Variants in IGF2 observed in about 807,000 individuals in gnomAD.
IGF2 encodes insulin-like growth factor 2.
IGF2 carries 2 observed loss-of-function variants against 12.0 expected under a neutral mutation model. That is an observed-to-expected ratio of 0.17 (90% CI 0.07 to 0.52). The LOEUF is 0.52. Among genes scored for constraint, IGF2 ranks in the 20% least tolerant of loss-of-function variants. The pLI, the probability that IGF2 is intolerant of heterozygous loss-of-function variation, is 0.95. For missense variants in IGF2, 211 were observed against 268.0 expected (o/e 0.79, Z 1.48); for synonymous variants, 105 against 110.1 (o/e 0.95, Z 0.29).
chr11:2,149,326 G>A, the IGF2 span: 1 of 1,612,220 alleles, frequency 6.2e-7, no homozygotes, highest in Non-Finnish European at 8.5e-7. Flanking sequence ...ACGTGGAGGA[G>A]GAGAGGGACA....
At chr11:2,146,038 C>T (rs1320049243), upstream of IGF2, among the ~76,000 whole-genome samples, 1 of 152,092 alleles carries the variant, frequency 6.6e-6, no homozygotes, top group African/African-American at 2.4e-5. Context: ...CGTCCGCCCC[C>T]CAGCCCTGAA....
At position 2,133,062 on chromosome 11, in the gene IGF2, A is replaced by G; in HGVS notation, c.468T>C (p.Arg156=). The change falls in exon 4 of 4, where the codon CGT becomes CGC. Residue 156 remains arginine, a synonymous_variant. Coordinates refer to ENST00000416167, the MANE Select transcript of IGF2 (RefSeq NM_000612.6). This position sits in a 1 kb window ranked among gnomAD's most constrained non-coding sequence, Gnocchi z 8.9. ...CTTGGGTGGGTAGAGCAATCAGGGG[A>G]CGGTGACGTTTGGCCTCCCTGAACG... is the stretch of plus-strand genomic sequence containing the variant. The part of the protein sequence containing the change: ...LEAFREAKRH[R]PLIALPTQDP... 1 of 1,604,324 alleles carries G rather than the reference A, an allele frequency of 6.2e-7. No homozygotes were observed.
At chr11:2,144,266 G>C (rs1219941782), upstream of IGF2, among the ~76,000 whole-genome samples, 1 of 152,104 alleles carries the variant, frequency 6.6e-6, no homozygotes, top group East Asian at 1.9e-4. Context: ...TGGGAGGTCC[G>C]CAGGCTCCCC....
At chr11:2,140,024 G>A, upstream of IGF2, 5 of 1,073,098 alleles carry the variant, frequency 4.7e-6, no homozygotes, top group Non-Finnish European at 6.4e-6. Flanking sequence ...GGTGCGGGAC[G>A]CGCGGAAGGC....
rs1448075056 is a variant in IGF2, at chr11:2,131,827, C to T, written c.*1160G>A. 3.5e-4 allele frequency: 48 copies of T among 138,652 alleles called. 1 individual carries two copies. The highest frequency in any genetic ancestry group is 1.6e-3 in the African/African-American group (45 of 28,556). 8.6% of individuals were successfully genotyped at this position (138,652 alleles called of 1,614,324 possible). On this transcript the variant is annotated 3_prime_UTR_variant, in exon 4 of 4. Transcript: ENST00000416167. ...CTGTGTGTGCATGTGTGTGCGTGTG[C>T]TGTGCGTTTGTGTGCTGTGTGCTCG...
chr11:2,133,131 G>C lies in IGF2; in HGVS notation c.399C>G (p.Leu133=). ...TQRLRRGLPA[L]LRARRGHVLA... ...GCACGTGACCCCGGCGGGCACGCAG[G>C]AGGGCAGGCAGGCCCCTGCGCAGGC... Residue 133 remains leucine, a synonymous_variant, in exon 4 of 4, where the codon CTC becomes CTG. Coordinates refer to ENST00000416167, the MANE Select transcript of IGF2 (RefSeq NM_000612.6). The surrounding 1 kb of genome is among the most constrained non-coding windows in gnomAD (Gnocchi z 8.9). The C allele has an allele frequency of 6.2e-7, 1 of 1,606,220 alleles. No individual in the cohort carries two copies. Among genetic ancestry groups the C allele is most frequent in the Non-Finnish European group, 8.5e-7 (1 of 1,175,996 alleles).
At chr11:2,148,846 T>G in the IGF2 span, 1 of 477,800 alleles carries the variant, frequency 2.1e-6, no homozygotes, top group Admixed American at 3.8e-5. This position sits in a 1 kb window ranked among gnomAD's most constrained non-coding sequence, Gnocchi z 4.3. Flanking sequence ...CCATTTTGCT[T>G]GGTGAATTAG....
rs1858574568 is a variant in IGF2 at position 2,131,668 on chromosome 11, CTGTGTGCATGTGTGTGCTGTGTTTGTG to C, written c.*1292_*1318del. The C allele has an allele frequency of 6.6e-6, 1 of 152,588 alleles. No individual in the cohort carries two copies. Among genetic ancestry groups the C allele is most frequent in the Non-Finnish European group, 1.2e-5 (1 of 82,524 alleles). The allele number at this position is 152,588 out of a possible 1,614,324, so 9.5% of individuals were successfully genotyped here. ...CATGTGTGTGCTGTGTGTGCGTGTGCTGTGTGCATGTGTGTGCTGTGTTTGTGTGTGTGCTGTGTGTGCTGTGTTCGT... is the reference window on the plus strand; with the variant it reads ...CATGTGTGTGCTGTGTGTGCGTGTGCTGTGTGCTGTGTGTGCTGTGTTCGT... On this transcript the variant is annotated 3_prime_UTR_variant, in exon 4 of 4. Coordinates refer to ENST00000416167, the MANE Select transcript of IGF2 (RefSeq NM_000612.6).
upstream of IGF2, among the ~76,000 whole-genome samples, chr11:2,143,831 G>C (rs1337705432): frequency 6.6e-6 from 1 of 152,236 alleles, no homozygotes; most frequent in African/African-American, 2.4e-5. Context: ...GTCCGAGTTC[G>C]GGGAAAGCAG....
At position 2,130,270 on chromosome 11, in the gene IGF2, C is replaced by T. The variant is rs1206079433; in HGVS notation, c.*2717G>A. Reference sequence around the variant, plus strand: ...GGAGACCCTGCCCAACCCCCCCCTCCGCCCTCAGGACTTCTGGGGACCAGC... The same window carrying T: ...GGAGACCCTGCCCAACCCCCCCCTCTGCCCTCAGGACTTCTGGGGACCAGC... On this transcript the variant is annotated 3_prime_UTR_variant, in exon 4 of 4. Coordinates refer to ENST00000416167, the MANE Select transcript of IGF2 (RefSeq NM_000612.6). 1.7e-5 allele frequency: 4 copies of T among 230,088 alleles called. No individual in the cohort carries two copies. The highest frequency in any genetic ancestry group is 2.2e-5 in the African/African-American group (1 of 45,060). The allele number at this position is 230,088 out of a possible 1,614,324, so 14.3% of individuals were successfully genotyped here. A position where few individuals can be genotyped will look rare whatever the true frequency, so the allele number is the denominator to read the frequency against.
chr11:2,134,319 G>A (rs1564895511), intron 2 of IGF2: 5 of 359,452 alleles, frequency 1.4e-5, no homozygotes, highest in South Asian at 8.2e-5. Flanking sequence ...CCCCATCACG[G>A]GGGTCCCCCA....
chr11:2,149,022 A>C, the IGF2 span: 1 of 1,107,630 alleles, frequency 9.0e-7, no homozygotes, highest in Non-Finnish European at 1.3e-6. Context: ...CCCCTCCTTC[A>C]GAAACCAGGA....
At position 2,130,533 on chromosome 11, in the gene IGF2, G is replaced by A. The variant is rs573936129; in HGVS notation, c.*2454C>T. ...GTCACTGCCCCCCTGTTACATGGGG[G>A]GGGGGTTTAATTTGGTTTCTGAGCG... On this transcript the variant is annotated 3_prime_UTR_variant, in exon 4 of 4. Coordinates refer to ENST00000416167, the MANE Select transcript of IGF2 (RefSeq NM_000612.6). The A allele has an allele frequency of 9.1e-6, 2 of 220,272 alleles. No individual in the cohort carries two copies. The highest frequency in any genetic ancestry group is 1.8e-5 in the Non-Finnish European group (2 of 110,868). The allele number at this position is 220,272 out of a possible 1,614,324, so 13.6% of individuals were successfully genotyped here. A position where few individuals can be genotyped will look rare whatever the true frequency, so the allele number is the denominator to read the frequency against.
chr11:2,136,077 G>T (rs1449177546), intron 1 of IGF2, among the ~76,000 whole-genome samples: 2 of 152,160 alleles, frequency 1.3e-5, no homozygotes, highest in South Asian at 4.1e-4. Flanking sequence ...CCTCAAAGCA[G>T]CAGGCCAGTC....
rs1858470294 is a variant in IGF2, at chr11:2,130,556, GC to G, written c.*2430del. ...GGGGGGGGTTTAATTTGGTTTCTGAGCGCATAAAGCTAAGGAGGGGTAAAAA... is the reference window on the plus strand; with the variant it reads ...GGGGGGGGTTTAATTTGGTTTCTGAGGCATAAAGCTAAGGAGGGGTAAAAA... On this transcript the variant is annotated 3_prime_UTR_variant, in exon 4 of 4. Coordinates refer to ENST00000416167, the MANE Select transcript of IGF2 (RefSeq NM_000612.6). 1.0e-5 allele frequency: 2 copies of G among 193,602 alleles called. No homozygotes were observed. The highest frequency in any genetic ancestry group is 4.2e-4 in the South Asian group (2 of 4,796). The allele number at this position is 193,602 out of a possible 1,614,324, so 12.0% of individuals were successfully genotyped here. A position where few individuals can be genotyped will look rare whatever the true frequency, so the allele number is the denominator to read the frequency against.
chr11:2,138,398 G>A lies in IGF2; in HGVS notation c.-176C>T, dbSNP rs911080801. 5.8e-5 allele frequency: 26 copies of A among 451,970 alleles called. 1 individual carries two copies. Among genetic ancestry groups the A allele is most frequent in the East Asian group, 1.7e-4 (1 of 5,942 alleles). The allele number at this position is 451,970 out of a possible 1,614,324, so 28.0% of individuals were successfully genotyped here. On this transcript the variant is annotated 5_prime_UTR_variant, in exon 1 of 4. Coordinates refer to ENST00000416167, the MANE Select transcript of IGF2 (RefSeq NM_000612.6). ...GGGATGGCTTTTTTTTGGGGGGGGG[G>A]GGAGAATTCGTCTGATTGTCCAGGG...
At chr11:2,143,200 T>C (rs1859703489), upstream of IGF2, among the ~76,000 whole-genome samples, 1 of 152,142 alleles carries the variant, frequency 6.6e-6, no homozygotes, top group Non-Finnish European at 1.5e-5. Context: ...GCAATTTTCA[T>C]ACTCTGAGGG....
At position 2,132,093 on chromosome 11, in the gene IGF2, G is replaced by GT; in HGVS notation, c.*893dup. On this transcript the variant is annotated 3_prime_UTR_variant, in exon 4 of 4. Coordinates refer to ENST00000416167, the MANE Select transcript of IGF2 (RefSeq NM_000612.6). ...TGCTGTGTTCATGCGTGTGCTGTGT[G>GT]TTGTGTGTGTGTAGCTGCGGGGATG... 1 of 137,274 alleles carries GT rather than the reference G, an allele frequency of 7.3e-6. No homozygotes were observed. 8.5% of individuals were successfully genotyped at this position (137,274 alleles called of 1,614,324 possible). A position where few individuals can be genotyped will look rare whatever the true frequency, so the allele number is the denominator to read the frequency against.
At chr11:2,139,584 G>GT (rs1380384186), upstream of IGF2, among the ~76,000 whole-genome samples, 2 of 147,406 alleles carry the variant, frequency 1.4e-5, no homozygotes, top group Non-Finnish European at 3.0e-5. Flanking sequence ...CCCGGGGGGG[G>GT]GGCGGCGGTC....
Sources: allele counts gnomAD v4.1 joint callset (sites outside exome capture counted in the v4.1 genomes callset), GRCh38; gene constraint gnomAD v4.1.1; non-coding constraint Gnocchi (gnomAD v3.1); transcripts MANE v1.5; gene names NCBI Gene and HGNC (gene_info 2026-07-23, HGNC 2026-07-21).